PRKCE: variants seen among roughly 807,000 people sequenced by gnomAD.
PRKCE encodes the protein protein kinase C epsilon.
A neutral mutation model predicts 85.4 loss-of-function variants in PRKCE; 16 were observed. The observed-to-expected ratio is 0.19, with a 90% CI of 0.13 to 0.28. The LOEUF (loss-of-function observed/expected upper bound fraction) is 0.28. Among genes scored for constraint, PRKCE ranks in the 10% least tolerant of loss-of-function variants. The pLI, the probability that PRKCE is intolerant of heterozygous loss-of-function variation, is 1.00. For missense variants in PRKCE, 573 were observed against 975.2 expected (o/e 0.59, Z 5.49); for synonymous variants, 388 against 371.5 (o/e 1.04, Z -0.51).
At chr2:46,067,388 T>G (rs141274289) in intron 10 of PRKCE, among the ~76,000 whole-genome samples, 1 of 152,192 alleles carries the variant, frequency 6.6e-6, no homozygotes, top group Non-Finnish European at 1.5e-5. Flanking sequence ...TGAGGTGACA[T>G]CTGAGAGGCA....
intron 1 of PRKCE, among the ~76,000 whole-genome samples, chr2:45,823,106 T>A (rs1030067395): frequency 6.6e-6 from 1 of 152,226 alleles, no homozygotes; most frequent in African/African-American, 2.4e-5. Context: ...GGGCTCCTAC[T>A]GAAGTTGTTC....
intron 11 of PRKCE, among the ~76,000 whole-genome samples, chr2:46,116,558 T>G (rs190895394): frequency 4.4e-4 from 67 of 152,314 alleles, no homozygotes; most frequent in Non-Finnish European, 3.4e-4. Context: ...GCTCCCCACC[T>G]CTACTGTCCG....
chr2:45,970,626 G>A (rs1285813442), intron 2 of PRKCE, among the ~76,000 whole-genome samples: 7 of 152,106 alleles, frequency 4.6e-5, no homozygotes, highest in African/African-American at 1.7e-4. Context: ...GCTCCTGGGT[G>A]AAAATCAGAA....
intron 6 of PRKCE, among the ~76,000 whole-genome samples, chr2:45,997,121 C>A (rs1704282493): frequency 6.6e-6 from 1 of 151,998 alleles, no homozygotes; most frequent in Admixed American, 6.6e-5. Flanking sequence ...TTATAATACT[C>A]TTTTATTCTT....
intron 6 of PRKCE, among the ~76,000 whole-genome samples, chr2:45,998,847 T>C (rs538762197): frequency 3.9e-5 from 6 of 152,326 alleles, no homozygotes; most frequent in African/African-American, 1.4e-4. Flanking sequence ...ACTTTCTTTT[T>C]TACTTATTTT....
chr2:45,946,254 C>T (rs538857600), intron 2 of PRKCE, among the ~76,000 whole-genome samples: 4 of 152,292 alleles, frequency 2.6e-5, no homozygotes, highest in South Asian at 2.1e-4. Flanking sequence ...GAGTTATGCC[C>T]GGTCATCTAT....
chr2:45,993,815 C>G (rs1379890873), intron 6 of PRKCE, among the ~76,000 whole-genome samples: 3 of 152,128 alleles, frequency 2.0e-5, no homozygotes, highest in African/African-American at 7.2e-5. Context: ...GTTGCCTGGT[C>G]TCTGATCAGC....
intron 10 of PRKCE, among the ~76,000 whole-genome samples, chr2:46,070,373 G>T (rs1667973742): frequency 6.6e-6 from 1 of 152,238 alleles, no homozygotes; most frequent in Admixed American, 6.5e-5. Flanking sequence ...GCTGGGCGCG[G>T]TGGCGCATGC....
intron 2 of PRKCE, among the ~76,000 whole-genome samples, chr2:45,916,996 G>A (rs915326441): frequency 2.0e-5 from 3 of 152,142 alleles, no homozygotes; most frequent in African/African-American, 7.2e-5. Context: ...AGCAGCAGCA[G>A]GATTTATTGC....
chr2:45,760,956 T>G (rs916175301), intron 1 of PRKCE, among the ~76,000 whole-genome samples: 4 of 152,136 alleles, frequency 2.6e-5, no homozygotes, highest in Non-Finnish European at 5.9e-5. Flanking sequence ...TTATCTTAAC[T>G]GGGGCATTAG....
At chr2:45,811,535 G>A (rs910532345) in intron 1 of PRKCE, among the ~76,000 whole-genome samples, 10 of 152,176 alleles carry the variant, frequency 6.6e-5, no homozygotes, top group Admixed American at 2.0e-4. Context: ...CTCACCCTGC[G>A]TTGTAATTTT....
chr2:46,090,228 G>A (rs1670033975), intron 11 of PRKCE, among the ~76,000 whole-genome samples: 1 of 152,138 alleles, frequency 6.6e-6, no homozygotes. Context: ...TGGAGTTCAG[G>A]AATTTGTATT....
intron 1 of PRKCE, among the ~76,000 whole-genome samples, chr2:45,672,872 A>T (rs1395633251): frequency 3.3e-5 from 5 of 152,138 alleles, no homozygotes; most frequent in Non-Finnish European, 7.3e-5. Context: ...AAAAATTTTT[A>T]AAAATTAGCT....
At position 46,139,993 on chromosome 2, in the gene PRKCE, A is replaced by G. The variant is rs1007027200; in HGVS notation, c.1593-5100A>G. ...AACCAGAAATCTGCCATAAAATGTC[A>G]TAAGAAATTTATAAGATCTATATGA... On this transcript the variant is annotated intron_variant, in intron 11 of 14. Transcript: ENST00000306156. This position sits in a 1 kb window ranked among gnomAD's most constrained non-coding sequence, Gnocchi z 5.2. Among the ~76,000 whole-genome samples the G allele has an allele frequency of 6.6e-6, 1 of 152,202 alleles. No individual in the cohort carries two copies. Among genetic ancestry groups the G allele is most frequent in the Non-Finnish European group, 1.5e-5 (1 of 68,030 alleles).
chr2:46,183,793 C>T (rs1164679600), intron 14 of PRKCE, among the ~76,000 whole-genome samples: 1 of 152,200 alleles, frequency 6.6e-6, no homozygotes, highest in Non-Finnish European at 1.5e-5. Flanking sequence ...CCCAACTTCT[C>T]CATGGAAATT....
intron 1 of PRKCE, among the ~76,000 whole-genome samples, chr2:45,796,717 G>A (rs1687467004): frequency 6.6e-6 from 1 of 152,150 alleles, no homozygotes; most frequent in Admixed American, 6.5e-5. Flanking sequence ...CTTAGCTATT[G>A]TGCATTTTTC....
intron 10 of PRKCE, among the ~76,000 whole-genome samples, chr2:46,017,171 C>T (rs1486309562): frequency 1.3e-5 from 2 of 152,128 alleles, no homozygotes; most frequent in Non-Finnish European, 2.9e-5. Context: ...CCTCTTTTCA[C>T]CTTACAACCC....
chr2:45,815,184 G>T lies in PRKCE; in HGVS notation c.349-27816G>T, dbSNP rs908206281. Among the ~76,000 whole-genome samples the T allele has an allele frequency of 5.3e-5, 8 of 152,192 alleles. No homozygotes were observed. In the East Asian group the frequency reaches 1.3e-3, roughly 26 times the overall value. On this transcript the variant is annotated intron_variant, in intron 1 of 14. Transcript: ENST00000306156. ...CATAAGAGGATTATGCAGGAAATTT[G>T]ATACACCAGTTACCCCCCTTCTTTG... is the stretch of plus-strand genomic sequence containing the variant.
chr2:46,049,619 T>G (rs749893244), intron 10 of PRKCE, among the ~76,000 whole-genome samples: 1 of 152,158 alleles, frequency 6.6e-6, no homozygotes. Flanking sequence ...AAATACCTTC[T>G]AGTATCCTTG....
Sources: gnomAD v4.1 joint callset for allele counts (sites outside exome capture counted in the v4.1 genomes callset) on GRCh38, gnomAD v4.1.1 for gene constraint, Gnocchi (gnomAD v3.1) non-coding constraint, MANE v1.5 for transcripts, NCBI Gene and HGNC (gene_info 2026-07-23, HGNC 2026-07-21) for gene names.